Variants in PHC3 observed in about 807,000 individuals in gnomAD.
PHC3 encodes the protein polyhomeotic homolog 3, also known as polyhomeotic-like protein 3.
PHC3 carries 13 observed loss-of-function variants against 107.4 expected under a neutral mutation model. The ratio of observed to expected loss-of-function variants is 0.12; its 90% CI spans 0.08 to 0.19. The LOEUF (loss-of-function observed/expected upper bound fraction) is 0.19. Among genes scored for constraint, PHC3 ranks in the 10% least tolerant of loss-of-function variants. PHC3 has a pLI of 1.00. For missense variants in PHC3, 992 were observed against 1,210.9 expected (o/e 0.82, Z 2.68); for synonymous variants, 456 against 427.4 (o/e 1.07, Z -0.83).
chr3:170,101,227 T>C lies in PHC3; in HGVS notation c.2833+1252A>G, dbSNP rs146472507. The stretch of plus-strand genomic sequence containing the variant: ...CATGAAGTATCTCCACTTTAAACAA[T>C]TCCATCTTTCTTTAAAAGTGGCCAT... On this transcript the variant is annotated intron_variant, in intron 14 of 14. Coordinates refer to ENST00000495893, the MANE Select transcript of PHC3 (RefSeq NM_024947.4). 2.3e-3 allele frequency among the ~76,000 whole-genome samples: 349 copies of C among 152,338 alleles called. 3 individuals carry two copies. The highest frequency in any genetic ancestry group is 3.7e-3 in the Non-Finnish European group (253 of 68,020).
intron 4 of PHC3, among the ~76,000 whole-genome samples, chr3:170,153,338 G>T (rs962688756): frequency 6.6e-6 from 1 of 151,944 alleles, no homozygotes; most frequent in African/African-American, 2.4e-5. Context: ...CACTTAGTTT[G>T]AGACTTTGGG....
Position 170,136,540 on chromosome 3 carries a change from A to G in PHC3, c.798T>C (p.Ser266=). Residue 266 remains serine, a synonymous_variant, in exon 7 of 15, where the codon AGT becomes AGC. Coordinates refer to ENST00000495893, the MANE Select transcript of PHC3 (RefSeq NM_024947.4). ...AAGGATCTCGTTGGCTGATTTTAGA[A>G]CTGGTCACTGTTGTTTTGTTATGAC... ...TICHNKTTVT[S]SKISQRDPSP... 6.2e-7 allele frequency: 1 copy of G among 1,612,140 alleles called. No individual in the cohort carries two copies. Among genetic ancestry groups the G allele is most frequent in the South Asian group, 1.1e-5 (1 of 90,616 alleles).
intron 4 of PHC3, among the ~76,000 whole-genome samples, chr3:170,158,021 A>T (rs1208378667): frequency 1.3e-5 from 2 of 152,006 alleles, no homozygotes; most frequent in African/African-American, 4.8e-5. Context: ...ACCAATAAAT[A>T]AAGAAGACAA....
chr3:170,178,736 T>C (rs1257052932), intron 2 of PHC3, 37 bp downstream of exon 2: 15 of 1,603,328 alleles, frequency 9.4e-6, no homozygotes, highest in Non-Finnish European at 1.0e-5. Context: ...ATATGACATC[T>C]TAAGTCTTAG....
At chr3:170,106,781 T>C (rs949923405) in intron 12 of PHC3, 51 bp downstream of exon 12, 30 of 1,347,754 alleles carry the variant, frequency 2.2e-5, no homozygotes, top group Admixed American at 4.6e-5. Flanking sequence ...TTTGGTTTAG[T>C]TGCAATGGCT....
At chr3:170,101,842 A>G (rs1457963247) in intron 14 of PHC3, among the ~76,000 whole-genome samples, 1 of 152,134 alleles carries the variant, frequency 6.6e-6, no homozygotes, top group Non-Finnish European at 1.5e-5. Flanking sequence ...GAGAACAGGA[A>G]AACATAAATA....
At chr3:170,157,739 T>C (rs530727087) in intron 4 of PHC3, among the ~76,000 whole-genome samples, 1 of 152,158 alleles carries the variant, frequency 6.6e-6, no homozygotes, top group Non-Finnish European at 1.5e-5. Context: ...GACTCTGATA[T>C]GTGGCTGATG....
intron 2 of PHC3, among the ~76,000 whole-genome samples, chr3:170,176,521 G>C (rs890671187): frequency 1.8e-4 from 28 of 152,136 alleles, no homozygotes; most frequent in Non-Finnish European, 2.6e-4. Context: ...AGGTATAATA[G>C]AAAAAATAAG....
intron 6 of PHC3, among the ~76,000 whole-genome samples, chr3:170,140,114 G>C (rs561826571): frequency 1.5e-4 from 23 of 151,416 alleles, no homozygotes; most frequent in Admixed American, 1.2e-3. Flanking sequence ...TCACATTGCT[G>C]ACAGTAGAGC....
At chr3:170,166,134 T>C (rs1302574758) in intron 4 of PHC3, among the ~76,000 whole-genome samples, 1 of 149,508 alleles carries the variant, frequency 6.7e-6, no homozygotes, top group Non-Finnish European at 1.5e-5. Context: ...AACCTCCGCC[T>C]CCTGGGTTCA....
chr3:170,163,960 G>A (rs1489399459), intron 4 of PHC3, among the ~76,000 whole-genome samples: 1 of 151,994 alleles, frequency 6.6e-6, no homozygotes, highest in African/African-American at 2.4e-5. Context: ...AGCATTTTGG[G>A]AGGCCAAGGC....
rs1250790533 is a variant in PHC3 at position 170,096,372 on chromosome 3, T to C, written c.*858A>G. On this transcript the variant is annotated 3_prime_UTR_variant, in exon 15 of 15. Transcript: ENST00000495893. Reference sequence around the variant, plus strand: ...AGTTTCTCAACCTTGGCAGTACCGATATTTTTGAACCAATAATTCTTTACA... The same window carrying C: ...AGTTTCTCAACCTTGGCAGTACCGACATTTTTGAACCAATAATTCTTTACA... The C allele has an allele frequency of 6.6e-6, 1 of 152,140 alleles. No homozygotes were observed. Among genetic ancestry groups the C allele is most frequent in the Non-Finnish European group, 1.5e-5 (1 of 68,018 alleles). 9.4% of individuals were successfully genotyped at this position (152,140 alleles called of 1,614,324 possible).
chr3:170,132,767 G>C (rs1453128249), intron 7 of PHC3, among the ~76,000 whole-genome samples: 1 of 152,174 alleles, frequency 6.6e-6, no homozygotes, highest in Non-Finnish European at 1.5e-5. Context: ...GATTAATACA[G>C]GACCTTCTCA....
Position 170,117,653 on chromosome 3 carries a change from T to C in PHC3, c.1943-177A>G, listed in dbSNP as rs575681626. 4.6e-5 allele frequency among the ~76,000 whole-genome samples: 7 copies of C among 152,294 alleles called. No homozygotes were observed. In the South Asian group the frequency reaches 1.4e-3, roughly 32 times the overall value. On this transcript the variant is annotated intron_variant, in intron 9 of 14. Coordinates refer to ENST00000495893, the MANE Select transcript of PHC3 (RefSeq NM_024947.4). The stretch of plus-strand genomic sequence containing the variant: ...AATAATCTTCTAAGGTAGAAGCGAC[T>C]ATTATTTCCACTTTATAGAGGAGGG...
Position 170,122,756 on chromosome 3 carries a change from AACCAT to A in PHC3, c.1789-17_1789-13del, listed in dbSNP as rs1464703014. 3 of 1,613,362 alleles carry A rather than the reference AACCAT, an allele frequency of 1.9e-6. No homozygotes were observed. The Admixed American group carries it at 5.0e-5, about 27-fold the overall frequency. ...TCTACCTGATAAACCTGCAATGACA[AACCAT>A]ACTGCCTTAAAATGTTTCCAAAACT... is the stretch of plus-strand genomic sequence containing the variant. On this transcript the variant is annotated splice_polypyrimidine_tract_variant and intron_variant, in intron 8 of 14. Coordinates refer to ENST00000495893, the MANE Select transcript of PHC3 (RefSeq NM_024947.4).
At position 170,176,452 on chromosome 3, in the gene PHC3, T is replaced by C. The variant is rs148507164; in HGVS notation, c.180+2321A>G. Among the ~76,000 whole-genome samples, 720 of 152,286 alleles carry C rather than the reference T, an allele frequency of 4.7e-3. 6 individuals carry two copies. Among genetic ancestry groups the C allele is most frequent in the African/African-American group, 0.016 (682 of 41,546 alleles). On this transcript the variant is annotated intron_variant, in intron 2 of 14. Coordinates refer to ENST00000495893, the MANE Select transcript of PHC3 (RefSeq NM_024947.4). The stretch of plus-strand genomic sequence containing the variant: ...GAAAAATGGAGCAGAGGAAGGACTA[T>C]ATTGCAAGCAGTTGTTTTCAGGGTG...
chr3:170,145,954 CTT>C (rs1724864303), intron 5 of PHC3, among the ~76,000 whole-genome samples: 1 of 152,176 alleles, frequency 6.6e-6, no homozygotes, highest in Non-Finnish European at 1.5e-5. Context: ...CCAAAAAAGT[CTT>C]TTCAGTCCTC....
intron 9 of PHC3, among the ~76,000 whole-genome samples, 159 bp downstream of exon 9, chr3:170,122,432 C>T (rs975540055): frequency 2.3e-4 from 35 of 152,028 alleles, no homozygotes; most frequent in Admixed American, 2.2e-3. Context: ...AGTAAAACCT[C>T]GTCACCATAA....
intron 6 of PHC3, among the ~76,000 whole-genome samples, chr3:170,138,043 A>G (rs1723410954): frequency 6.6e-6 from 1 of 152,072 alleles, no homozygotes; most frequent in Non-Finnish European, 1.5e-5. Flanking sequence ...AAAAATACAC[A>G]AATTAGCCAG....
Sources: gnomAD v4.1 joint callset for allele counts (sites outside exome capture counted in the v4.1 genomes callset) on GRCh38, gnomAD v4.1.1 for gene constraint, MANE v1.5 for transcripts, NCBI Gene and HGNC (gene_info 2026-07-23, HGNC 2026-07-21) for gene names.